The following NRF1 variants were observed in gnomAD, a reference collection of about 807,000 sequenced individuals.
NRF1 encodes alpha palindromic-binding protein.
NRF1 carries 5 observed loss-of-function variants against 58.5 expected under a neutral mutation model. The ratio of observed to expected loss-of-function variants is 0.09; its 90% CI spans 0.04 to 0.18. The LOEUF (loss-of-function observed/expected upper bound fraction) is 0.18. Among genes scored for constraint, NRF1 ranks in the 10% least tolerant of loss-of-function variants. The pLI, the probability that NRF1 is intolerant of heterozygous loss-of-function variation, is 1.00. For synonymous variants in NRF1, 224 were observed against 246.7 expected, an observed-to-expected ratio of 0.91 and a Z score of 0.86; for missense variants, 288 against 657.7, an observed-to-expected ratio of 0.44 and a Z score of 6.15.
At chr7:129,644,960 T>C (rs1179759694) in intron 1 of NRF1, among the ~76,000 whole-genome samples, 4 of 152,148 alleles carry the variant, frequency 2.6e-5, no homozygotes, top group South Asian at 4.1e-4. Context: ...AAGTTTATGA[T>C]TCAAAAACGA....
intron 1 of NRF1, among the ~76,000 whole-genome samples, chr7:129,614,206 C>T (rs1434230595): frequency 2.0e-5 from 3 of 152,124 alleles, no homozygotes; most frequent in Non-Finnish European, 4.4e-5. Flanking sequence ...ACATCTGCCT[C>T]CTGGGTTCAA....
chr7:129,653,298 A>G (rs1584610176), intron 1 of NRF1, among the ~76,000 whole-genome samples: 4 of 152,316 alleles, frequency 2.6e-5, no homozygotes, highest in South Asian at 2.1e-4. Flanking sequence ...TGTATTTTTT[A>G]TAGCAGTTTT....
chr7:129,743,822 TG>T (rs1348884886), intron 10 of NRF1, among the ~76,000 whole-genome samples: 2 of 152,222 alleles, frequency 1.3e-5, no homozygotes, highest in Non-Finnish European at 2.9e-5. Flanking sequence ...ACCCAGCTGC[TG>T]GGTACTTAGG....
chr7:129,682,643 A>G (rs1802346429), intron 4 of NRF1, among the ~76,000 whole-genome samples: 2 of 151,236 alleles, frequency 1.3e-5, no homozygotes, highest in South Asian at 2.1e-4. Context: ...AAAAAAAAAA[A>G]AAAAAAAAAG....
intron 2 of NRF1, among the ~76,000 whole-genome samples, chr7:129,665,714 C>T (rs1344256103): frequency 6.6e-6 from 1 of 152,108 alleles, no homozygotes; most frequent in African/African-American, 2.4e-5. Context: ...GCCTCAACCT[C>T]CTTGGGCTCA....
chr7:129,655,102 C>T (rs12666331), intron 1 of NRF1, among the ~76,000 whole-genome samples: 66,762 of 151,942 alleles, frequency 0.44, 16,435 homozygotes, highest in East Asian at 0.67. Flanking sequence ...ATATCTCTCT[C>T]TATTTAGTTT....
At chr7:129,684,987 G>A (rs1802411917) in intron 4 of NRF1, among the ~76,000 whole-genome samples, 1 of 152,198 alleles carries the variant, frequency 6.6e-6, no homozygotes, top group Non-Finnish European at 1.5e-5. Context: ...CATAACTTCA[G>A]GGGCCACAGC....
chr7:129,619,784 T>C (rs923564685), intron 1 of NRF1, among the ~76,000 whole-genome samples: 2 of 150,172 alleles, frequency 1.3e-5, no homozygotes, highest in Admixed American at 6.6e-5. Context: ...TTCTGAGAAT[T>C]GGAGATTTCA....
At chr7:129,724,077 C>T (rs13239011) in intron 9 of NRF1, among the ~76,000 whole-genome samples, 44,212 of 151,996 alleles carry the variant, frequency 0.29, 8,058 homozygotes, top group Non-Finnish European at 0.42. Context: ...AAAATGTGTG[C>T]ATCAAAAGAC....
At chr7:129,684,993 A>C (rs1584639028) in intron 4 of NRF1, among the ~76,000 whole-genome samples, 1 of 152,228 alleles carries the variant, frequency 6.6e-6, no homozygotes, top group Non-Finnish European at 1.5e-5. Flanking sequence ...TTCAGGGGCC[A>C]CAGCCTGCAG....
chr7:129,630,940 TC>T (rs1801035664), intron 1 of NRF1, among the ~76,000 whole-genome samples: 2 of 152,320 alleles, frequency 1.3e-5, no homozygotes, highest in East Asian at 3.9e-4. Context: ...AAGTTTGACC[TC>T]CTTTTTGTCC....
At chr7:129,620,760 T>G (rs1800780811) in intron 1 of NRF1, among the ~76,000 whole-genome samples, 1 of 152,182 alleles carries the variant, frequency 6.6e-6, no homozygotes, top group Non-Finnish European at 1.5e-5. Flanking sequence ...TGGAAAAAAA[T>G]TTTTCTACCA....
intron 1 of NRF1, among the ~76,000 whole-genome samples, chr7:129,634,061 T>TAC (rs141834786): frequency 0.052 from 6,774 of 131,054 alleles, 278 homozygotes; most frequent in African/African-American, 0.11. Context: ...TATATATATA[T>TAC]ACACACACAC....
intron 5 of NRF1, among the ~76,000 whole-genome samples, chr7:129,699,625 G>C (rs1802772246): frequency 6.6e-6 from 1 of 151,946 alleles, no homozygotes; most frequent in Admixed American, 6.6e-5. Context: ...TAGCTACTGG[G>C]GACGCTGAGG....
At chr7:129,722,387 G>A (rs35268174) in intron 9 of NRF1, among the ~76,000 whole-genome samples, 45,442 of 149,496 alleles carry the variant, frequency 0.3, 6,922 homozygotes, top group Admixed American at 0.39. Flanking sequence ...GCGAAACTCC[G>A]TCTCAGAAAA....
At chr7:129,669,843 A>G (rs1322742259) in intron 2 of NRF1, among the ~76,000 whole-genome samples, 2 of 152,228 alleles carry the variant, frequency 1.3e-5, no homozygotes, top group African/African-American at 2.4e-5. Flanking sequence ...ACTTCTGGGT[A>G]TTTATCCAAC....
chr7:129,677,537 T>A, intron 3 of NRF1, 95 bp from the exon 4 acceptor site: 1 of 1,130,668 alleles, frequency 8.8e-7, no homozygotes, highest in Non-Finnish European at 1.3e-6. Context: ...AGAGCATATC[T>A]GATCAGAATA....
At chr7:129,696,207 G>A (rs1244485326) in intron 5 of NRF1, among the ~76,000 whole-genome samples, 2 of 151,946 alleles carry the variant, frequency 1.3e-5, no homozygotes, top group Admixed American at 6.6e-5. Flanking sequence ...TCATGCCATC[G>A]CACTCCAGCC....
chr7:129,621,573 G>T (rs761522561), intron 1 of NRF1, among the ~76,000 whole-genome samples: 5 of 151,990 alleles, frequency 3.3e-5, no homozygotes, highest in Admixed American at 2.6e-4. Flanking sequence ...ACAAATCAAA[G>T]AACTAGCCAA....
Sources: allele counts gnomAD v4.1 joint callset (sites outside exome capture counted in the v4.1 genomes callset), GRCh38; gene constraint gnomAD v4.1.1; transcripts MANE v1.5; gene names NCBI Gene and HGNC (gene_info 2026-07-23, HGNC 2026-07-21).